Variants in LAMA2 observed in about 807,000 individuals in gnomAD.
The protein encoded by LAMA2 is laminin subunit alpha 2, also known as laminin subunit alpha-2.
Under a neutral mutation model 364.8 loss-of-function variants are expected in LAMA2, and 269 were observed. That is an observed-to-expected ratio of 0.74 (90% CI 0.67 to 0.82). The LOEUF (loss-of-function observed/expected upper bound fraction) is 0.82, where lower values mean the gene tolerates loss of function less well. Ranked by LOEUF, LAMA2 falls within the 40% of genes least tolerant of loss-of-function variation. The pLI is 0.00. For missense variants in LAMA2, 3,807 were observed against 3,873.2 expected (o/e 0.98, Z 0.45); for synonymous variants, 1,379 against 1,370.6 (o/e 1.01, Z -0.14).
At chr6:129,361,384 T>A (rs1362085785) in intron 32 of LAMA2, among the ~76,000 whole-genome samples, 2 of 152,210 alleles carry the variant, frequency 1.3e-5, no homozygotes, top group Admixed American at 1.3e-4. Context: ...GTGTGTCAGT[T>A]ATCGATTGTA....
chr6:128,943,269 C>CACAGAGAGAGAGAGAGAGAGAG (rs1365657711), intron 1 of LAMA2, among the ~76,000 whole-genome samples: 12 of 143,082 alleles, frequency 8.4e-5, no homozygotes, highest in African/African-American at 3.1e-4. Flanking sequence ...TATATATACA[C>CACAGAGAGAGAGAGAGAGAGAG]AGAGAGAGAG....
chr6:129,318,230 G>A (rs1349410337), intron 27 of LAMA2, among the ~76,000 whole-genome samples: 2 of 152,106 alleles, frequency 1.3e-5, no homozygotes, highest in Non-Finnish European at 2.9e-5. Context: ...TTTATATTCT[G>A]TTTGAGGTTT....
rs1204921489 is a variant in LAMA2, at chr6:129,119,478, C to A, written c.639+21063C>A. Among the ~76,000 whole-genome samples, 9 of 151,888 alleles carry A rather than the reference C, an allele frequency of 5.9e-5. No individual in the cohort carries two copies. In the East Asian group the frequency reaches 1.7e-3, roughly 29 times the overall value. The stretch of plus-strand genomic sequence containing the variant: ...TCCATTAATACTTATGTAAATAAAT[C>A]TGATAAGGGAAATTGTAGGCTAAAG... On this transcript the variant is annotated intron_variant, in intron 4 of 64. Transcript: ENST00000421865.
chr6:129,496,708 T>C (rs1785221694), intron 58 of LAMA2, among the ~76,000 whole-genome samples: 2 of 152,214 alleles, frequency 1.3e-5, no homozygotes, highest in African/African-American at 2.4e-5. Flanking sequence ...TTGTAACAAA[T>C]ATTTATTAAG....
chr6:129,224,761 T>C (rs1357129359), intron 12 of LAMA2, among the ~76,000 whole-genome samples: 5 of 152,360 alleles, frequency 3.3e-5, no homozygotes, highest in East Asian at 3.9e-4. Context: ...GATTTTTGCA[T>C]TGATGTTCAT....
intron 1 of LAMA2, among the ~76,000 whole-genome samples, chr6:128,909,483 T>C (rs1332701564): frequency 6.7e-6 from 1 of 149,262 alleles, no homozygotes. Context: ...GTTTTCCATT[T>C]GCTTGGTAGA....
intron 1 of LAMA2, among the ~76,000 whole-genome samples, chr6:128,962,600 G>A (rs1781603690): frequency 6.6e-6 from 1 of 152,024 alleles, no homozygotes; most frequent in African/African-American, 2.4e-5. Flanking sequence ...CCTTTTAATT[G>A]TTAAACAATA....
At chr6:129,293,422 A>G (rs1291294509) in intron 20 of LAMA2, among the ~76,000 whole-genome samples, 3 of 152,214 alleles carry the variant, frequency 2.0e-5, no homozygotes, top group Non-Finnish European at 4.4e-5. Context: ...TGAACAAATG[A>G]AGGAAAATCT....
chr6:128,993,291 T>C (rs186939045), intron 1 of LAMA2, among the ~76,000 whole-genome samples: 4 of 152,348 alleles, frequency 2.6e-5, no homozygotes, highest in African/African-American at 9.6e-5. Flanking sequence ...TGTTTATAGA[T>C]ACTGACTTAA....
intron 1 of LAMA2, among the ~76,000 whole-genome samples, chr6:128,965,780 A>G (rs1184746620): frequency 6.6e-6 from 1 of 152,008 alleles, no homozygotes; most frequent in Admixed American, 6.6e-5. Flanking sequence ...GTGAATTGTC[A>G]AGATGTCTCC....
chr6:129,254,444 C>T (rs956968073), intron 14 of LAMA2, among the ~76,000 whole-genome samples: 7 of 152,208 alleles, frequency 4.6e-5, no homozygotes, highest in African/African-American at 7.2e-5. Context: ...AAAAAGTCAC[C>T]GCAAGAATTG....
chr6:129,492,297 T>C lies in LAMA2; in HGVS notation c.8076-18T>C. 1 of 1,611,996 alleles carries C rather than the reference T, an allele frequency of 6.2e-7. No individual in the cohort carries two copies. The highest frequency in any genetic ancestry group is 1.3e-5 in the African/African-American group (1 of 74,972). ...AAAAAACGAAAATAAAAAAATCTTA[T>C]TTATTACATTCTATTAGCCCCATGG... On this transcript the variant is annotated intron_variant, in intron 57 of 64. Transcript: ENST00000421865.
At chr6:129,088,962 C>A (rs182981240) in intron 3 of LAMA2, among the ~76,000 whole-genome samples, 278 of 151,096 alleles carry the variant, frequency 1.8e-3, no homozygotes, top group African/African-American at 6.4e-3. Flanking sequence ...CCAAGGCAGG[C>A]GGCTGGGAGG....
At chr6:129,483,625 A>T (rs1784460113) in intron 55 of LAMA2, among the ~76,000 whole-genome samples, 1 of 152,218 alleles carries the variant, frequency 6.6e-6, no homozygotes, top group African/African-American at 2.4e-5. Context: ...TCTGTGAATC[A>T]TGACAGCTTA....
At chr6:129,386,589 A>C (rs1320485051) in intron 35 of LAMA2, among the ~76,000 whole-genome samples, 1 of 152,178 alleles carries the variant, frequency 6.6e-6, no homozygotes, top group Non-Finnish European at 1.5e-5. Context: ...TACAAAAATA[A>C]TGTTAAATGA....
chr6:129,018,078 A>T (rs1431861088), intron 1 of LAMA2, among the ~76,000 whole-genome samples: 1 of 151,854 alleles, frequency 6.6e-6, no homozygotes, highest in Non-Finnish European at 1.5e-5. Context: ...TGTCAAATCT[A>T]GTTGCCTTGG....
At chr6:129,309,942 C>T (rs1774108942) in intron 22 of LAMA2, among the ~76,000 whole-genome samples, 2 of 144,628 alleles carry the variant, frequency 1.4e-5, no homozygotes, top group African/African-American at 5.3e-5. Flanking sequence ...CTCTGTCACC[C>T]AGGCTGGAGT....
Position 129,267,097 on chromosome 6 carries a change from TTC to T in LAMA2, c.2209-4_2209-3del. 1 of 1,567,592 alleles carries T rather than the reference TTC, an allele frequency of 6.4e-7. No homozygotes were observed. ...TCCAAGACTGACTAAAGCCTTATCT[TTC>T]TCTCAGTCTTGTTGGCCTAGGCACA... On this transcript the variant is annotated splice_polypyrimidine_tract_variant and splice_region_variant and intron_variant, in intron 15 of 64. Coordinates refer to ENST00000421865, the MANE Select transcript of LAMA2 (RefSeq NM_000426.4).
At chr6:129,300,923 T>G in intron 22 of LAMA2, 51 bp downstream of exon 22, 3 of 1,557,700 alleles carry the variant, frequency 1.9e-6, no homozygotes, top group Non-Finnish European at 2.7e-6. Context: ...GATTTTTGTT[T>G]TGTAGAGCTC....
Sources: gnomAD v4.1 joint callset for allele counts (sites outside exome capture counted in the v4.1 genomes callset) on GRCh38, gnomAD v4.1.1 for gene constraint, MANE v1.5 for transcripts, NCBI Gene and HGNC (gene_info 2026-07-23, HGNC 2026-07-21) for gene names.